The following CEP135 variants were observed in gnomAD, a reference collection of about 807,000 sequenced individuals.
CEP135 encodes centrosomal protein 135, also known as centrosomal protein of 135 kDa.
A neutral mutation model predicts 157.3 loss-of-function variants in CEP135; 142 were observed. That is an observed-to-expected ratio of 0.90 (90% CI 0.79 to 1.04). The LOEUF (loss-of-function observed/expected upper bound fraction) is 1.04, where lower values mean the gene tolerates loss of function less well. Ranked by LOEUF, CEP135 falls within the 50% of genes least tolerant of loss-of-function variation. The pLI, the probability that CEP135 is intolerant of heterozygous loss-of-function variation, is 0.00. For missense variants in CEP135, 1,317 were observed against 1,309.2 expected (o/e 1.01, Z -0.09); for synonymous variants, 396 against 439.8 (o/e 0.90, Z 1.25).
At chr4:56,023,208 C>CA (rs146915423) in intron 24 of CEP135, among the ~76,000 whole-genome samples, 3,105 of 149,864 alleles carry the variant, frequency 0.021, 107 homozygotes, top group African/African-American at 0.07. Flanking sequence ...GGCAATAGAG[C>CA]AAGTCCCTGT....
At chr4:55,955,402 G>A (rs1448241547) in intron 4 of CEP135, among the ~76,000 whole-genome samples, 2 of 152,194 alleles carry the variant, frequency 1.3e-5, no homozygotes, top group Admixed American at 1.3e-4. Context: ...CTTATTGTGT[G>A]CCTGAAGTTG....
intron 6 of CEP135, 27 bp from the exon 7 acceptor site, chr4:55,964,247 A>C: frequency 6.3e-7 from 1 of 1,576,566 alleles, no homozygotes; most frequent in Non-Finnish European, 8.6e-7. Flanking sequence ...CAGATTTTTT[A>C]AAATGACAGC....
At chr4:56,011,189 C>T (rs1730570273) in intron 19 of CEP135, among the ~76,000 whole-genome samples, 1 of 152,104 alleles carries the variant, frequency 6.6e-6, no homozygotes, top group South Asian at 2.1e-4. Context: ...GAGCTGTGAT[C>T]ACGCCATTGC....
In CEP135 at chr4:55,954,101, T is replaced by G. The variant is rs1369336068; in HGVS notation, c.305-115T>G. ...GAATAAGTGTCAACTAAAGCATGCA[T>G]AAGAAGCAGGTGGAGACTTTTAAAT... On this transcript the variant is annotated intron_variant, in intron 3 of 25. Transcript: ENST00000257287. The G allele has an allele frequency of 4.6e-6, 4 of 863,790 alleles. No individual in the cohort carries two copies. The East Asian group carries it at 1.1e-4, about 24-fold the overall frequency. The allele number at this position is 863,790 out of a possible 1,614,324, so 53.5% of individuals were successfully genotyped here. A position where few individuals can be genotyped will look rare whatever the true frequency, so the allele number is the denominator to read the frequency against.
chr4:55,994,792 TCTC>T (rs1729914451), intron 15 of CEP135, among the ~76,000 whole-genome samples: 1 of 151,640 alleles, frequency 6.6e-6, no homozygotes, highest in Non-Finnish European at 1.5e-5. Flanking sequence ...TTCAAGCAAT[TCTC>T]CTGCCTCAGC....
chr4:55,988,330 C>G (rs2109695910), intron 14 of CEP135, among the ~76,000 whole-genome samples: 1 of 152,176 alleles, frequency 6.6e-6, no homozygotes, highest in African/African-American at 2.4e-5. Flanking sequence ...TGGTGCTAGA[C>G]TTGTCCTCCC....
chr4:55,971,278 C>G lies in CEP135; in HGVS notation c.1119C>G (p.Asn373Lys). ...AGTATTAAAATTTGCAGGAATTGAA[C>G]TTATGCCAGAAAGAAAAGGAGAGAC... ...ETMAKLQLEL[N>K]LCQKEKERLS... Residue 373 changes from asparagine (N) to lysine (K), a missense_variant, in exon 10 of 26, where the codon AAC (asparagine) becomes AAG (lysine). Asn to Lys is a moderately conservative substitution (Grantham distance 94). Transcript: ENST00000257287. 6.3e-7 allele frequency: 1 copy of G among 1,579,422 alleles called. No individual in the cohort carries two copies. The highest frequency in any genetic ancestry group is 8.6e-7 in the Non-Finnish European group (1 of 1,168,558).
intron 10 of CEP135, among the ~76,000 whole-genome samples, chr4:55,971,926 G>A (rs2702326): frequency 0.069 from 10,532 of 152,088 alleles, 533 homozygotes; most frequent in African/African-American, 0.13. Context: ...TGAAACAGGC[G>A]GATCATCTGA....
intron 1 of CEP135, among the ~76,000 whole-genome samples, chr4:55,949,344 C>G (rs1405990064): frequency 6.6e-6 from 1 of 152,182 alleles, no homozygotes; most frequent in Non-Finnish European, 1.5e-5. Flanking sequence ...CTGTGTGGGC[C>G]GTGCAGACAG....
intron 15 of CEP135, among the ~76,000 whole-genome samples, chr4:55,998,709 A>G (rs528371698): frequency 6.6e-6 from 1 of 152,302 alleles, no homozygotes; most frequent in African/African-American, 2.4e-5. Context: ...TACTAAAAAT[A>G]GAAAAATTAG....
chr4:56,008,504 T>C, intron 18 of CEP135, 122 bp downstream of exon 18: 2 of 739,906 alleles, frequency 2.7e-6, no homozygotes, highest in Non-Finnish European at 4.5e-6. Context: ...TTTTTGTCAA[T>C]GGTAGCATCA....
Position 56,020,775 on chromosome 4 carries a change from C to G in CEP135, c.3315C>G (p.Tyr1105Ter). The change falls in exon 24 of 26, where the codon TAC becomes TAG. Residue 1105 changes from tyrosine to a stop codon, truncating the protein, a stop_gained. Transcript: ENST00000257287. LOFTEE classifies it high-confidence loss of function. ...AAAGGCAGATCTCAACTGAAAGATA[C>G]GAACGGTAAGACAAATTTTTTTTAC... Reference protein sequence around the residue: ...ALKRQISTERYERERAIQEMR... With the variant: ...ALKRQISTER The G allele has an allele frequency of 6.2e-7, 1 of 1,609,828 alleles. No homozygotes were observed. The highest frequency in any genetic ancestry group is 1.1e-5 in the South Asian group (1 of 90,092).
At chr4:55,949,943 G>A (rs1728309506) in intron 1 of CEP135, among the ~76,000 whole-genome samples, 1 of 152,158 alleles carries the variant, frequency 6.6e-6, no homozygotes, top group South Asian at 2.1e-4. Flanking sequence ...TATTATCTCT[G>A]GGTAACTGGA....
intron 21 of CEP135, among the ~76,000 whole-genome samples, chr4:56,013,986 T>C (rs1185431267): frequency 2.6e-5 from 4 of 151,964 alleles, no homozygotes; most frequent in Non-Finnish European, 5.9e-5. Flanking sequence ...GAGGCAAAGA[T>C]TAGAGTGATA....
chr4:55,973,820 T>G (rs1309480217), intron 10 of CEP135, among the ~76,000 whole-genome samples: 2 of 152,170 alleles, frequency 1.3e-5, no homozygotes, highest in African/African-American at 4.8e-5. Context: ...TGGCTTCTGT[T>G]GCCATCTCTT....
chr4:55,965,287 C>T (rs1445528671), intron 7 of CEP135: 1 of 168,456 alleles, frequency 5.9e-6, no homozygotes, highest in Admixed American at 6.1e-5. Flanking sequence ...TCAGTTTACA[C>T]TAGCCACATT....
intron 1 of CEP135, among the ~76,000 whole-genome samples, chr4:55,949,714 CA>C (rs1035687075): frequency 1.6e-4 from 25 of 152,174 alleles, no homozygotes; most frequent in Non-Finnish European, 3.2e-4. Context: ...GGGGGACCCC[CA>C]AACCTAACCT....
At position 56,003,941 on chromosome 4, in the gene CEP135, C is replaced by T. The variant is rs547201172; in HGVS notation, c.2280+4296C>T. On this transcript the variant is annotated intron_variant, in intron 17 of 25. Transcript: ENST00000257287. The stretch of plus-strand genomic sequence containing the variant: ...TTACCATGTTTCCCAGGCTGGTCTC[C>T]AACTCCTAGTCTCAAGCAGTCCTCT... Among the ~76,000 whole-genome samples, 9 of 152,024 alleles carry T rather than the reference C, an allele frequency of 5.9e-5. No homozygotes were observed. In the South Asian group the frequency reaches 1.0e-3, roughly 18 times the overall value.
intron 25 of CEP135, among the ~76,000 whole-genome samples, chr4:56,029,915 C>T (rs781129184): frequency 2.3e-4 from 35 of 152,150 alleles, no homozygotes; most frequent in Admixed American, 4.6e-4. Context: ...CATTCCTGTT[C>T]ACTGCTATAG....
Sources: gnomAD v4.1 joint callset for allele counts (sites outside exome capture counted in the v4.1 genomes callset) on GRCh38, gnomAD v4.1.1 for gene constraint, MANE v1.5 for transcripts, NCBI Gene and HGNC (gene_info 2026-07-23, HGNC 2026-07-21) for gene names.